GRIK2: variants seen among roughly 807,000 people sequenced by gnomAD.
GRIK2 encodes the protein glutamate ionotropic receptor kainate type subunit 2.
GRIK2 carries 32 observed loss-of-function variants against 100.3 expected under a neutral mutation model. That is an observed-to-expected ratio of 0.32 (90% CI 0.24 to 0.43). The LOEUF is 0.43. GRIK2 is among the 20% of genes least tolerant of loss of function. The pLI is 1.00. For missense variants in GRIK2, 843 were observed against 1,114.9 expected, an observed-to-expected ratio of 0.76 and a Z score of 3.47; for synonymous variants, 417 against 389.4, an observed-to-expected ratio of 1.07 and a Z score of -0.83.
intron 9 of GRIK2, among the ~76,000 whole-genome samples, chr6:101,813,234 T>A (rs17062518): frequency 0.018 from 2,697 of 152,014 alleles, 85 homozygotes; most frequent in African/African-American, 0.062. Context: ...CAAGAAAAAA[T>A]ATTCACCAAT....
At chr6:101,544,856 A>C (rs1776162047) in intron 2 of GRIK2, among the ~76,000 whole-genome samples, 1 of 152,208 alleles carries the variant, frequency 6.6e-6, no homozygotes, top group Non-Finnish European at 1.5e-5. Flanking sequence ...TGGTCTTCTC[A>C]ATGTTACAAT....
chr6:101,779,363 A>G (rs1255009804), intron 7 of GRIK2, among the ~76,000 whole-genome samples: 4 of 152,202 alleles, frequency 2.6e-5, no homozygotes, highest in Admixed American at 6.5e-5. Flanking sequence ...GCAATAAGCT[A>G]GTAAGAAGGT....
chr6:101,731,529 GC>G (rs913969830), intron 7 of GRIK2, among the ~76,000 whole-genome samples: 6 of 151,976 alleles, frequency 3.9e-5, no homozygotes, highest in African/African-American at 1.4e-4. Flanking sequence ...GAGTTTGGAG[GC>G]AAATAACCTA....
intron 14 of GRIK2, among the ~76,000 whole-genome samples, chr6:101,962,858 T>A (rs993631004): frequency 2.0e-5 from 3 of 152,080 alleles, no homozygotes; most frequent in African/African-American, 7.2e-5. Context: ...ATTCCTTATT[T>A]CTGTATAGCC....
chr6:102,024,883 AT>A (rs1186604588), intron 14 of GRIK2, among the ~76,000 whole-genome samples: 1 of 150,324 alleles, frequency 6.7e-6, no homozygotes, highest in Non-Finnish European at 1.5e-5. Flanking sequence ...TGATTTGATC[AT>A]TACAAATTAT....
chr6:102,055,692 C>T, intron 16 of GRIK2, 112 bp downstream of exon 16: 2 of 703,800 alleles, frequency 2.8e-6, no homozygotes, highest in Non-Finnish European at 4.8e-6. Context: ...AGAACTATTG[C>T]TCTAAATTGT....
intron 2 of GRIK2, among the ~76,000 whole-genome samples, chr6:101,416,395 C>T (rs1390015398): frequency 1.3e-5 from 2 of 152,148 alleles, no homozygotes; most frequent in East Asian, 3.9e-4. Context: ...GATGTCTCCT[C>T]AGTGTCAGTA....
intron 7 of GRIK2, among the ~76,000 whole-genome samples, chr6:101,708,137 G>C (rs1191677184): frequency 6.6e-6 from 1 of 151,746 alleles, no homozygotes. Flanking sequence ...CTGGATAGCA[G>C]CTGTGGAATT....
chr6:101,721,251 A>C (rs1255313847), intron 7 of GRIK2, among the ~76,000 whole-genome samples: 11 of 152,026 alleles, frequency 7.2e-5, no homozygotes, highest in Non-Finnish European at 1.3e-4. Context: ...AATAGCATGC[A>C]AGTAAACTAT....
chr6:101,651,326 TTTCATTCATTCA>T (rs751012215), intron 4 of GRIK2, among the ~76,000 whole-genome samples: 1 of 152,120 alleles, frequency 6.6e-6, no homozygotes, highest in African/African-American at 2.4e-5. Context: ...TTAAAGACCA[TTTCATTCATTCA>T]TTCATTCATT....
rs1356654362 is a variant in GRIK2 at position 102,069,732 on chromosome 6, A to T, written c.*1221A>T. 1 of 152,090 alleles carries T rather than the reference A, an allele frequency of 6.6e-6. No homozygotes were observed. Among genetic ancestry groups the T allele is most frequent in the African/African-American group, 2.4e-5 (1 of 41,450 alleles). The allele number at this position is 152,090 out of a possible 1,614,324, so 9.4% of individuals were successfully genotyped here. On this transcript the variant is annotated 3_prime_UTR_variant, in exon 17 of 17. Coordinates refer to ENST00000369134, the MANE Select transcript of GRIK2 (RefSeq NM_021956.5). The stretch of plus-strand genomic sequence containing the variant: ...TTGTAATACTTTTTATCAACAAAAC[A>T]AGAACATGTGTTCCTGTCAGGGGTG...
intron 14 of GRIK2, among the ~76,000 whole-genome samples, chr6:101,978,904 A>G (rs1793557356): frequency 6.6e-6 from 1 of 151,954 alleles, no homozygotes; most frequent in Non-Finnish European, 1.5e-5. Context: ...ATACTACTTA[A>G]TGGCAGACAA....
chr6:101,851,878 A>G (rs1784149829), intron 10 of GRIK2, among the ~76,000 whole-genome samples: 1 of 151,424 alleles, frequency 6.6e-6, no homozygotes, highest in African/African-American at 2.4e-5. Flanking sequence ...GAATTATTTA[A>G]TCAAGGAAGT....
At chr6:101,579,824 C>A (rs1412415384) in intron 2 of GRIK2, among the ~76,000 whole-genome samples, 3 of 149,852 alleles carry the variant, frequency 2.0e-5, no homozygotes, top group Non-Finnish European at 4.4e-5. Flanking sequence ...GAACTCCAAC[C>A]TGGCAACAGA....
chr6:101,607,643 A>G (rs904492725), intron 2 of GRIK2, among the ~76,000 whole-genome samples: 1 of 151,916 alleles, frequency 6.6e-6, no homozygotes, highest in African/African-American at 2.4e-5. Context: ...TCTAGAAGCT[A>G]CAGAAAAGTG....
intron 2 of GRIK2, among the ~76,000 whole-genome samples, chr6:101,519,113 C>T (rs1046148398): frequency 1.3e-5 from 2 of 152,108 alleles, no homozygotes; most frequent in South Asian, 2.1e-4. Context: ...AGAATAATCT[C>T]GTCAGCCTGC....
In GRIK2 at chr6:101,872,986, T is replaced by C. The variant is rs571402957; in HGVS notation, c.1524+13493T>C. On this transcript the variant is annotated intron_variant, in intron 11 of 16. Transcript: ENST00000369134. ...AATGACAGTGATACCATAGTGAAGATTTCTTGATTCTGGTTCTGAATCTTA... is the reference window on the plus strand; with the variant it reads ...AATGACAGTGATACCATAGTGAAGACTTCTTGATTCTGGTTCTGAATCTTA... Among the ~76,000 whole-genome samples, 112 of 151,932 alleles carry C rather than the reference T, an allele frequency of 7.4e-4. 1 individual carries two copies. The highest frequency in any genetic ancestry group is 2.9e-4 in the Non-Finnish European group (20 of 67,940).
At chr6:101,496,950 A>C (rs1466065314) in intron 2 of GRIK2, among the ~76,000 whole-genome samples, 1 of 152,182 alleles carries the variant, frequency 6.6e-6, no homozygotes, top group Admixed American at 6.5e-5. Flanking sequence ...AAAGGGGCTA[A>C]GTAGGCTGAA....
intron 14 of GRIK2, among the ~76,000 whole-genome samples, chr6:102,016,585 GA>G (rs1469168614): frequency 1.3e-5 from 2 of 149,962 alleles, no homozygotes; most frequent in Non-Finnish European, 3.0e-5. Flanking sequence ...AAAAAAAAAT[GA>G]AAAGGGCCAA....
Sources: allele counts gnomAD v4.1 joint callset (sites outside exome capture counted in the v4.1 genomes callset), GRCh38; gene constraint gnomAD v4.1.1; transcripts MANE v1.5; gene names NCBI Gene and HGNC (gene_info 2026-07-23, HGNC 2026-07-21).